SPRING1: variants seen among roughly 807,000 people sequenced by gnomAD.
The protein encoded by SPRING1 is SREBP regulating gene protein.
A neutral mutation model predicts 24.7 loss-of-function variants in SPRING1; 14 were observed. That is an observed-to-expected ratio of 0.57 (90% confidence interval 0.37 to 0.88). The LOEUF is 0.88. SPRING1 is among the 40% of genes least tolerant of loss of function. SPRING1 has a pLI of 0.00. For missense variants in SPRING1, 255 were observed against 268.4 expected, an observed-to-expected ratio of 0.95 and a Z score of 0.35; for synonymous variants, 93 against 106.1, an observed-to-expected ratio of 0.88 and a Z score of 0.76.
In SPRING1 at chr12:116,723,070, G is replaced by A; in HGVS notation, c.265C>T (p.Leu89Phe). 7 of 1,612,378 alleles carry A rather than the reference G, an allele frequency of 4.3e-6. No individual in the cohort carries two copies. The highest frequency in any genetic ancestry group is 5.9e-6 in the Non-Finnish European group (7 of 1,180,028). ...GAGGAAGGGAAGCCAGCCTCACCGA[G>A]TTCATCCGTGATGAGGTGCTTCCCT... ...IQGKHLITDELGYVCERKDLL... is the reference protein window; with the variant it reads ...IQGKHLITDEFGYVCERKDLL... The change falls in exon 2 of 5, where the codon CTC becomes TTC. Residue 89 changes from leucine (L) to phenylalanine (F), a missense_variant. By Grantham distance (22) the Leu-to-Phe change is conservative (BLOSUM62 0). Transcript: ENST00000261318.
chr12:116,737,275 C>T (rs1037389401), intron 1 of SPRING1, among the ~76,000 whole-genome samples: 2 of 152,044 alleles, frequency 1.3e-5, no homozygotes, highest in South Asian at 2.1e-4. Flanking sequence ...GGCGGCGCCG[C>T]TGCAGAAGTC....
chr12:116,717,550 G>A lies in SPRING1; in HGVS notation c.*260C>T, dbSNP rs1404762670. 3 of 368,626 alleles carry A rather than the reference G, an allele frequency of 8.1e-6. No individual in the cohort carries two copies. Among genetic ancestry groups the A allele is most frequent in the Admixed American group, 4.5e-5 (1 of 22,210 alleles). 22.8% of individuals were successfully genotyped at this position (368,626 alleles called of 1,614,324 possible). On this transcript the variant is annotated 3_prime_UTR_variant, in exon 5 of 5. Transcript: ENST00000261318. The surrounding 1 kb of genome is among the most constrained non-coding windows in gnomAD (Gnocchi z 4.2). ...CATCCAAGAACTCCACCACCACCGT[G>A]AGCCCGGCCTCCGGTTTCATCTTTC...
Position 116,737,081 on chromosome 12 carries a change from A to T in SPRING1, c.111+709T>A, listed in dbSNP as rs141634009. On this transcript the variant is annotated intron_variant, in intron 1 of 4. Transcript: ENST00000261318. ...TTAGCTCTGGACCGGGCAGGTGAAA[A>T]GCAGGGAGGTGTTCATAAAAGCAGT... Among the ~76,000 whole-genome samples, 214 of 152,294 alleles carry T rather than the reference A, an allele frequency of 1.4e-3. 1 individual carries two copies. The Middle Eastern group carries it at 0.017, about 12-fold the overall frequency.
chr12:116,734,779 T>A (rs1314574341), intron 1 of SPRING1, among the ~76,000 whole-genome samples: 1 of 152,122 alleles, frequency 6.6e-6, no homozygotes, highest in East Asian at 1.9e-4. Flanking sequence ...TTGAAGTAAT[T>A]TACACCGTGT....
At position 116,720,599 on chromosome 12, in the gene SPRING1, G is replaced by A; in HGVS notation, c.269-152C>T. 1.9e-6 allele frequency: 2 copies of A among 1,052,702 alleles called. No individual in the cohort carries two copies. The highest frequency in any genetic ancestry group is 3.2e-5 in the African/African-American group (2 of 62,694). 65.2% of individuals were successfully genotyped at this position (1,052,702 alleles called of 1,614,324 possible). On this transcript the variant is annotated intron_variant, in intron 2 of 4. Transcript: ENST00000261318. The surrounding 1 kb of genome is among the most constrained non-coding windows in gnomAD (Gnocchi z 4.0). Reference sequence around the variant, plus strand: ...CGGAGAGCTGGAAACTGGACATAATGTGAGTGGGGCTTACTTTCCCCAGGC... The same window carrying A: ...CGGAGAGCTGGAAACTGGACATAATATGAGTGGGGCTTACTTTCCCCAGGC...
intron 1 of SPRING1, among the ~76,000 whole-genome samples, chr12:116,730,395 G>T (rs1325996070): frequency 4.6e-5 from 7 of 151,410 alleles, no homozygotes; most frequent in African/African-American, 7.3e-5. Context: ...GTAGAAACAG[G>T]GTTTCACCAT....
chr12:116,718,738 G>A (rs1330150679), intron 4 of SPRING1, among the ~76,000 whole-genome samples: 2 of 152,198 alleles, frequency 1.3e-5, no homozygotes, highest in African/African-American at 4.8e-5. Context: ...CTTTTCTAGC[G>A]TTTCTCAGAA....
chr12:116,723,279 T>A, intron 1 of SPRING1, 56 bp from the exon 2 acceptor site: 1 of 1,592,810 alleles, frequency 6.3e-7, no homozygotes, highest in Non-Finnish European at 8.6e-7. Flanking sequence ...TCTTACAATT[T>A]CACCAGTTTT....
Position 116,715,810 on chromosome 12 carries a change from T to TA in SPRING1, c.*1999dup, listed in dbSNP as rs1870101850. 6.6e-6 allele frequency: 1 copy of TA among 152,212 alleles called. No homozygotes were observed. The highest frequency in any genetic ancestry group is 6.5e-5 in the Admixed American group (1 of 15,282). 9.4% of individuals were successfully genotyped at this position (152,212 alleles called of 1,614,324 possible). ...TAGTTCCTCATCCACAAAGTGGAAA[T>TA]ACAAGCAAGTTTAATTCTCCATCGT... On this transcript the variant is annotated 3_prime_UTR_variant, in exon 5 of 5. Transcript: ENST00000261318.
chr12:116,730,813 G>A (rs61276277), intron 1 of SPRING1, among the ~76,000 whole-genome samples: 20,151 of 152,128 alleles, frequency 0.13, 1,880 homozygotes, highest in African/African-American at 0.26. Flanking sequence ...TAGCAGATAC[G>A]CATTTTCCAA....
chr12:116,717,762 C>T lies in SPRING1; in HGVS notation c.*48G>A. ...GAAGCTGGGTCCCAGGAGGCGAGTTCTTCAGCGGGGCCTCCTCACCCAGGC... is the reference window on the plus strand; with the variant it reads ...GAAGCTGGGTCCCAGGAGGCGAGTTTTTCAGCGGGGCCTCCTCACCCAGGC... On this transcript the variant is annotated 3_prime_UTR_variant, in exon 5 of 5. Coordinates refer to ENST00000261318, the MANE Select transcript of SPRING1 (RefSeq NM_024738.4). The surrounding 1 kb of genome is among the most constrained non-coding windows in gnomAD (Gnocchi z 4.2). 6.7e-7 allele frequency: 1 copy of T among 1,500,902 alleles called. No homozygotes were observed. Among genetic ancestry groups the T allele is most frequent in the Non-Finnish European group, 9.0e-7 (1 of 1,111,752 alleles). The allele number at this position is 1,500,902 out of a possible 1,614,324, so 93.0% of individuals were successfully genotyped here.
chr12:116,720,024 C>T lies in SPRING1; in HGVS notation c.421-148G>A. The T allele has an allele frequency of 1.4e-6, 1 of 738,634 alleles. No homozygotes were observed. Among genetic ancestry groups the T allele is most frequent in the Non-Finnish European group, 2.2e-6 (1 of 448,912 alleles). 45.8% of individuals were successfully genotyped at this position (738,634 alleles called of 1,614,324 possible). ...AGGGAGGGGAAAGGACACACGCGTG[C>T]ACACACGTGCATGCCAAAACACCCT... On this transcript the variant is annotated intron_variant, in intron 3 of 4. Transcript: ENST00000261318. The surrounding 1 kb of genome is among the most constrained non-coding windows in gnomAD (Gnocchi z 4.0).
At position 116,717,952 on chromosome 12, in the gene SPRING1, C is replaced by A. The variant is rs1053533878; in HGVS notation, c.535-59G>T. The A allele has an allele frequency of 1.5e-6, 2 of 1,367,308 alleles. No homozygotes were observed. The highest frequency in any genetic ancestry group is 2.0e-6 in the Non-Finnish European group (2 of 1,005,330). The allele number at this position is 1,367,308 out of a possible 1,614,324, so 84.7% of individuals were successfully genotyped here. The stretch of plus-strand genomic sequence containing the variant: ...AGCGAGCACAGCTTCACACACCTCC[C>A]TCTCGGAAGAGTGAGAGTGGATCGG... On this transcript the variant is annotated intron_variant, in intron 4 of 4. Transcript: ENST00000261318. This position sits in a 1 kb window ranked among gnomAD's most constrained non-coding sequence, Gnocchi z 4.2.
At chr12:116,726,221 A>C (rs1870679496) in intron 1 of SPRING1, among the ~76,000 whole-genome samples, 1 of 152,248 alleles carries the variant, frequency 6.6e-6, no homozygotes, top group Non-Finnish European at 1.5e-5. Flanking sequence ...TATTAGGCCC[A>C]GGTTTTTGTT....
At chr12:116,722,541 A>G (rs1469922568) in intron 2 of SPRING1, among the ~76,000 whole-genome samples, 2 of 152,204 alleles carry the variant, frequency 1.3e-5, no homozygotes, top group African/African-American at 4.8e-5. Context: ...CAAAACCCAC[A>G]TTATTTTCAA....
At position 116,733,078 on chromosome 12, in the gene SPRING1, C is replaced by T. The variant is rs537260707; in HGVS notation, c.111+4712G>A. On this transcript the variant is annotated intron_variant, in intron 1 of 4. Transcript: ENST00000261318. ...AATCTGTAAGGTTATCTGAAAAAAGCGTTTTAAGTGTTACTGAAGGACACA... is the reference window on the plus strand; with the variant it reads ...AATCTGTAAGGTTATCTGAAAAAAGTGTTTTAAGTGTTACTGAAGGACACA... 2.0e-5 allele frequency among the ~76,000 whole-genome samples: 3 copies of T among 152,244 alleles called. No homozygotes were observed. In the South Asian group the frequency reaches 6.2e-4, roughly 32 times the overall value.
Position 116,715,075 on chromosome 12 carries a change from C to T in SPRING1, c.*2735G>A, listed in dbSNP as rs1330553299. Reference sequence around the variant, plus strand: ...TTTTTGAGACAGAGTCTCACAAAAACAGGCACACGCCCCCACACCCGGCTA... The same window carrying T: ...TTTTTGAGACAGAGTCTCACAAAAATAGGCACACGCCCCCACACCCGGCTA... On this transcript the variant is annotated 3_prime_UTR_variant, in exon 5 of 5. Transcript: ENST00000261318. The T allele has an allele frequency of 6.6e-6, 1 of 151,876 alleles. No individual in the cohort carries two copies. The highest frequency in any genetic ancestry group is 1.5e-5 in the Non-Finnish European group (1 of 67,990). 9.4% of individuals were successfully genotyped at this position (151,876 alleles called of 1,614,324 possible). A position where few individuals can be genotyped will look rare whatever the true frequency, so the allele number is the denominator to read the frequency against.
In SPRING1 at chr12:116,737,940, C is replaced by G; in HGVS notation, c.-40G>C. 7.2e-7 allele frequency: 1 copy of G among 1,384,380 alleles called. No individual in the cohort carries two copies. Among genetic ancestry groups the G allele is most frequent in the Non-Finnish European group, 9.4e-7 (1 of 1,067,660 alleles). 85.8% of individuals were successfully genotyped at this position (1,384,380 alleles called of 1,614,324 possible). On this transcript the variant is annotated 5_prime_UTR_variant, in exon 1 of 5. Coordinates refer to ENST00000261318, the MANE Select transcript of SPRING1 (RefSeq NM_024738.4). Reference sequence around the variant, plus strand: ...GGGGCGCGGCGGCCGGGGCGCGGAACGCGGCAGGCCCGGGTCCCGGGCGGC... The same window carrying G: ...GGGGCGCGGCGGCCGGGGCGCGGAAGGCGGCAGGCCCGGGTCCCGGGCGGC...
chr12:116,727,083 T>C (rs1293134369), intron 1 of SPRING1, among the ~76,000 whole-genome samples: 1 of 152,250 alleles, frequency 6.6e-6, no homozygotes, highest in African/African-American at 2.4e-5. Flanking sequence ...GATAGGGAGC[T>C]TTCTACCTTT....
Sources: allele counts gnomAD v4.1 joint callset (sites outside exome capture counted in the v4.1 genomes callset), GRCh38; gene constraint gnomAD v4.1.1; non-coding constraint Gnocchi (gnomAD v3.1); transcripts MANE v1.5; gene names NCBI Gene and HGNC (gene_info 2026-07-23, HGNC 2026-07-21).